The following RNF220 variants were observed in gnomAD, a reference collection of about 807,000 sequenced individuals.
The protein encoded by RNF220 is ring finger protein 220, also known as E3 ubiquitin-protein ligase RNF220.
In RNF220, 7 loss-of-function variants were observed where a neutral mutation model predicts 67.1. The observed-to-expected ratio is 0.10, with a 90% CI of 0.06 to 0.20. RNF220 has a LOEUF of 0.20. Among genes scored for constraint, RNF220 ranks in the 10% least tolerant of loss-of-function variants. The pLI, the probability that RNF220 is intolerant of heterozygous loss-of-function variation, is 1.00. For synonymous variants in RNF220, 270 were observed against 283.2 expected, an observed-to-expected ratio of 0.95 and a Z score of 0.47; for missense variants, 565 against 740.3, an observed-to-expected ratio of 0.76 and a Z score of 2.75.
At chr1:44,590,933 G>T in intron 2 of RNF220, among the ~76,000 whole-genome samples, 1 of 152,106 alleles carries the variant, frequency 6.6e-6, no homozygotes, top group East Asian at 1.9e-4. Context: ...AGAGGGAACA[G>T]CATGGTTTTT....
At chr1:44,580,670 G>T (rs554797239) in intron 2 of RNF220, among the ~76,000 whole-genome samples, 18 of 152,368 alleles carry the variant, frequency 1.2e-4, no homozygotes, top group African/African-American at 4.3e-4. Context: ...TAGGAAGATT[G>T]TGAAGACAGG....
chr1:44,583,136 G>A (rs186301046), intron 2 of RNF220, among the ~76,000 whole-genome samples: 4 of 152,122 alleles, frequency 2.6e-5, no homozygotes, highest in African/African-American at 4.8e-5. Context: ...CAGCCAGAGC[G>A]CTTTCAAGAC....
chr1:44,559,356 C>T (rs560527569), intron 2 of RNF220, among the ~76,000 whole-genome samples: 1 of 152,354 alleles, frequency 6.6e-6, no homozygotes, highest in African/African-American at 2.4e-5. Flanking sequence ...GCCAGGATGC[C>T]AGGTTTCCCT....
chr1:44,633,647 C>T (rs1644236722), intron 6 of RNF220, among the ~76,000 whole-genome samples: 1 of 152,222 alleles, frequency 6.6e-6, no homozygotes, highest in South Asian at 2.1e-4. Flanking sequence ...CAGTATTGTG[C>T]CTTTCTTGAC....
chr1:44,640,450 C>A (rs1224763096), intron 8 of RNF220, among the ~76,000 whole-genome samples: 1 of 152,194 alleles, frequency 6.6e-6, no homozygotes, highest in East Asian at 1.9e-4. Context: ...CCTTCTGTCC[C>A]CCGTGGCAAC....
chr1:44,637,446 C>T (rs919848967), intron 8 of RNF220, among the ~76,000 whole-genome samples: 1 of 152,230 alleles, frequency 6.6e-6, no homozygotes, highest in Non-Finnish European at 1.5e-5. Flanking sequence ...GACGACTGTC[C>T]CATGAGTTGG....
At chr1:44,497,728 AAGT>A (rs1657466901) in intron 2 of RNF220, among the ~76,000 whole-genome samples, 1 of 151,996 alleles carries the variant, frequency 6.6e-6, no homozygotes, top group African/African-American at 2.4e-5. Flanking sequence ...CCATTCCCCC[AAGT>A]TCAACAATTC....
rs376928425 is a variant in RNF220, at chr1:44,650,629, G to A, written c.1630-75G>A. ...GCACACACTGGTGCAGAGAGACATG[G>A]CTGCAGGCCCAGGTGCTCACATGCG... On this transcript the variant is annotated intron_variant, in intron 14 of 14. Transcript: ENST00000361799. This position sits in a 1 kb window ranked among gnomAD's most constrained non-coding sequence, Gnocchi z 4.3. The A allele has an allele frequency of 9.4e-4, 1,401 of 1,495,288 alleles. 31 individuals carry two copies. In the South Asian group the frequency reaches 0.015, roughly 16 times the overall value. The allele number at this position is 1,495,288 out of a possible 1,614,324, so 92.6% of individuals were successfully genotyped here. A position where few individuals can be genotyped will look rare whatever the true frequency, so the allele number is the denominator to read the frequency against.
At chr1:44,562,244 A>C (rs1663627084) in intron 2 of RNF220, among the ~76,000 whole-genome samples, 1 of 152,138 alleles carries the variant, frequency 6.6e-6, no homozygotes, top group South Asian at 2.1e-4. Flanking sequence ...TAGGAAACCA[A>C]CCAGAAGGTG....
intron 2 of RNF220, among the ~76,000 whole-genome samples, chr1:44,481,147 G>A (rs1655768541): frequency 6.6e-6 from 1 of 152,184 alleles, no homozygotes; most frequent in African/African-American, 2.4e-5. Context: ...AGAAGACTGA[G>A]CGTGGTGGCA....
At chr1:44,572,204 G>A (rs1664488702) in intron 2 of RNF220, among the ~76,000 whole-genome samples, 2 of 152,258 alleles carry the variant, frequency 1.3e-5, no homozygotes, top group African/African-American at 4.8e-5. Context: ...CTGGGGACAT[G>A]TGACATTTGA....
Position 44,632,400 on chromosome 1 carries a change from G to GGCCCCCCCCCCCCCCCCC in RNF220, c.949+15_949+16insGCCCCCCCCCCCCCCCCC. On this transcript the variant is annotated intron_variant, in intron 6 of 14. Coordinates refer to ENST00000361799, the MANE Select transcript of RNF220 (RefSeq NM_018150.4). ...CCGACTGAATGGTGAGTCCTGCCCGGCCCCTCCCTCCGCCCCACCCCCGGC... is the reference window on the plus strand; with the variant it reads ...CCGACTGAATGGTGAGTCCTGCCCGGGCCCCCCCCCCCCCCCCCCCCCTCCCTCCGCCCCACCCCCGGC... 6.2e-7 allele frequency: 1 copy of GGCCCCCCCCCCCCCCCCC among 1,607,450 alleles called. No homozygotes were observed. Among genetic ancestry groups the GGCCCCCCCCCCCCCCCCC allele is most frequent in the Non-Finnish European group, 8.5e-7 (1 of 1,177,490 alleles).
At chr1:44,438,662 C>G (rs757939469) in intron 2 of RNF220, among the ~76,000 whole-genome samples, 8 of 152,178 alleles carry the variant, frequency 5.3e-5, no homozygotes, top group Non-Finnish European at 1.0e-4. Flanking sequence ...GCCTGTGACC[C>G]ATTTAAGGAG....
At chr1:44,526,275 C>T (rs1308454162) in intron 2 of RNF220, among the ~76,000 whole-genome samples, 4 of 152,202 alleles carry the variant, frequency 2.6e-5, no homozygotes, top group Non-Finnish European at 5.9e-5. Context: ...AGAATGACTT[C>T]CCATTTCCCA....
intron 2 of RNF220, among the ~76,000 whole-genome samples, chr1:44,483,475 A>G (rs896031110): frequency 6.6e-6 from 1 of 152,204 alleles, no homozygotes; most frequent in Non-Finnish European, 1.5e-5. Context: ...AAATATACTC[A>G]TCATACTAAC....
intron 2 of RNF220, among the ~76,000 whole-genome samples, chr1:44,529,655 C>T (rs1371648288): frequency 1.3e-5 from 2 of 152,080 alleles, no homozygotes; most frequent in Admixed American, 6.6e-5. Context: ...GGATTACAGG[C>T]GTGAGCCACC....
In RNF220 at chr1:44,525,677, G is replaced by A. The variant is rs139900910; in HGVS notation, c.626-88488G>A. ...CATCTCCCCTCTATTCAGCAGGAAC[G>A]TTGGCACTCAGTATCTCCCTGCTCA... On this transcript the variant is annotated intron_variant, in intron 2 of 14. Transcript: ENST00000361799. 5.1e-4 allele frequency among the ~76,000 whole-genome samples: 78 copies of A among 152,176 alleles called. 1 individual carries two copies. In the East Asian group the frequency reaches 0.014, roughly 28 times the overall value.
chr1:44,599,780 C>T (rs1242795750), intron 2 of RNF220, among the ~76,000 whole-genome samples: 1 of 152,290 alleles, frequency 6.6e-6, no homozygotes, highest in East Asian at 1.9e-4. Flanking sequence ...AGAGCACACA[C>T]TATTGCAAGA....
Position 44,649,924 on chromosome 1 carries a change from C to T in RNF220, c.1596C>T (p.His532=), listed in dbSNP as rs201715794. The change falls in exon 14 of 15, where the codon CAC becomes CAT. Residue 532 remains histidine (H), a synonymous_variant. Coordinates refer to ENST00000361799, the MANE Select transcript of RNF220 (RefSeq NM_018150.4). This position sits in a 1 kb window ranked among gnomAD's most constrained non-coding sequence, Gnocchi z 5.9. ...SMPLTSIQCW[H]VHCEECWLRT... ...CCCTAACGTCCATCCAGTGTTGGCA[C>T]GTGCACTGCGAGGAGTGCTGGCTGC... 660 of 1,613,890 alleles carry T rather than the reference C, an allele frequency of 4.1e-4. No individual in the cohort carries two copies. The highest frequency in any genetic ancestry group is 5.1e-4 in the Non-Finnish European group (601 of 1,179,968).
Sources: gnomAD v4.1 joint callset for allele counts (sites outside exome capture counted in the v4.1 genomes callset) on GRCh38, gnomAD v4.1.1 for gene constraint, Gnocchi (gnomAD v3.1) non-coding constraint, MANE v1.5 for transcripts, NCBI Gene and HGNC (gene_info 2026-07-23, HGNC 2026-07-21) for gene names.